SDK1: variants seen among roughly 807,000 people sequenced by gnomAD.
The protein encoded by SDK1 is protein sidekick-1.
Under a neutral mutation model 245.5 loss-of-function variants are expected in SDK1, and 157 were observed. The ratio of observed to expected loss-of-function variants is 0.64; its 90% CI spans 0.56 to 0.73. The LOEUF is 0.73. Among genes scored for constraint, SDK1 ranks in the 30% least tolerant of loss-of-function variants. SDK1 has a pLI of 0.00. For synonymous variants in SDK1, 1,647 were observed against 1,278.5 expected (o/e 1.29, Z -6.15); for missense variants, 3,583 against 3,002.3 (o/e 1.19, Z -4.52).
At chr7:3,793,632 G>A (rs1032151519) in intron 4 of SDK1, among the ~76,000 whole-genome samples, 4 of 152,074 alleles carry the variant, frequency 2.6e-5, no homozygotes, top group African/African-American at 9.7e-5. Flanking sequence ...TTTTTCTTTA[G>A]ATTTGGGAAG....
At chr7:3,745,355 C>A (rs1286963662) in intron 4 of SDK1, among the ~76,000 whole-genome samples, 1 of 152,132 alleles carries the variant, frequency 6.6e-6, no homozygotes, top group Non-Finnish European at 1.5e-5. Context: ...TGTAGACTCA[C>A]AAGAAGTTGT....
chr7:3,848,965 C>T (rs188295071), intron 5 of SDK1, among the ~76,000 whole-genome samples: 82 of 152,336 alleles, frequency 5.4e-4, no homozygotes, highest in Non-Finnish European at 8.5e-4. Context: ...CCGCCGCGCC[C>T]GGCCTGGAGT....
chr7:4,261,551 G>T (rs1003199655), intron 44 of SDK1, among the ~76,000 whole-genome samples: 2 of 152,184 alleles, frequency 1.3e-5, no homozygotes, highest in South Asian at 2.1e-4. Context: ...CCCACAAGGC[G>T]CAGCTCCTAG....
chr7:3,570,476 C>T (rs546207404), intron 1 of SDK1, among the ~76,000 whole-genome samples: 17 of 152,254 alleles, frequency 1.1e-4, no homozygotes, highest in Non-Finnish European at 2.2e-4. Context: ...GTCCACAGCC[C>T]GGAGTTGGGG....
intron 1 of SDK1, among the ~76,000 whole-genome samples, chr7:3,428,816 T>C (rs1331099262): frequency 6.6e-6 from 1 of 152,148 alleles, no homozygotes; most frequent in Admixed American, 6.5e-5. Flanking sequence ...TTTGTTTTAT[T>C]CTGGAACAAA....
At chr7:4,010,292 C>T (rs1052119191) in intron 14 of SDK1, among the ~76,000 whole-genome samples, 8 of 152,234 alleles carry the variant, frequency 5.3e-5, no homozygotes, top group Non-Finnish European at 7.3e-5. Context: ...AAAAAATCCA[C>T]GCAAGGGTGT....
rs1162131670 is a variant in SDK1 at position 3,476,739 on chromosome 7, G to A, written c.299-142341G>A. On this transcript the variant is annotated intron_variant, in intron 1 of 44. Transcript: ENST00000404826. Reference sequence around the variant, plus strand: ...TCCTCTGTAACCGTTCACTGAGGCTGGAGTTTGGTTTGGATGACCTCATCC... The same window carrying A: ...TCCTCTGTAACCGTTCACTGAGGCTAGAGTTTGGTTTGGATGACCTCATCC... Among the ~76,000 whole-genome samples, 7 of 152,298 alleles carry A rather than the reference G, an allele frequency of 4.6e-5. No homozygotes were observed. The South Asian group carries it at 6.2e-4, about 14-fold the overall frequency.
chr7:4,036,271 G>A (rs899844242), intron 17 of SDK1, among the ~76,000 whole-genome samples: 1 of 152,054 alleles, frequency 6.6e-6, no homozygotes, highest in Non-Finnish European at 1.5e-5. Flanking sequence ...ATACTATAAG[G>A]GTACAGTGTT....
chr7:3,796,274 C>A (rs565580113), intron 4 of SDK1, among the ~76,000 whole-genome samples: 64 of 152,212 alleles, frequency 4.2e-4, no homozygotes, highest in Admixed American at 6.5e-4. Context: ...ATTTATCCTC[C>A]GTGTCCACGG....
intron 38 of SDK1, among the ~76,000 whole-genome samples, chr7:4,214,225 G>A (rs1784663625): frequency 6.6e-6 from 1 of 152,204 alleles, no homozygotes; most frequent in African/African-American, 2.4e-5. Flanking sequence ...GAGCACTTGT[G>A]TTTCTGAAAG....
intron 14 of SDK1, among the ~76,000 whole-genome samples, chr7:3,988,922 C>A (rs1233691527): frequency 6.6e-6 from 1 of 152,158 alleles, no homozygotes; most frequent in Non-Finnish European, 1.5e-5. Flanking sequence ...CAGGCACCTG[C>A]CACCACGCCC....
At chr7:3,621,958 C>G (rs962209150) in intron 2 of SDK1, among the ~76,000 whole-genome samples, 17 of 152,176 alleles carry the variant, frequency 1.1e-4, no homozygotes, top group Non-Finnish European at 2.2e-4. Flanking sequence ...TAATAAGTCA[C>G]ATGAGATATT....
chr7:4,115,233 G>GC lies in SDK1; in HGVS notation c.3823+963dup, dbSNP rs374387695. The stretch of plus-strand genomic sequence containing the variant: ...GAAGGAATGAACCAGCTGCACCTCT[G>GC]CCCCAGGCTTCTTGGATGAGAGTCA... On this transcript the variant is annotated intron_variant, in intron 25 of 44. Transcript: ENST00000404826. Among the ~76,000 whole-genome samples the GC allele has an allele frequency of 1.8e-3, 271 of 152,328 alleles. 1 individual carries two copies. The highest frequency in any genetic ancestry group is 6.4e-3 in the African/African-American group (264 of 41,566).
intron 1 of SDK1, among the ~76,000 whole-genome samples, chr7:3,576,141 A>T (rs1174389930): frequency 6.6e-6 from 1 of 152,150 alleles, no homozygotes; most frequent in Non-Finnish European, 1.5e-5. Flanking sequence ...CTGTCATCAG[A>T]ATTTTCTACT....
chr7:4,036,302 C>G (rs1441313801), intron 17 of SDK1, among the ~76,000 whole-genome samples: 2 of 152,006 alleles, frequency 1.3e-5, no homozygotes, highest in African/African-American at 4.8e-5. Context: ...GACAGTTCTT[C>G]TTTTTATTTC....
chr7:4,127,001 C>T (rs1217290247), intron 25 of SDK1, among the ~76,000 whole-genome samples: 1 of 152,214 alleles, frequency 6.6e-6, no homozygotes, highest in Non-Finnish European at 1.5e-5. Flanking sequence ...TCTTCAGCTT[C>T]TCCTGTCCCT....
intron 1 of SDK1, among the ~76,000 whole-genome samples, chr7:3,409,239 CAT>C (rs773271438): frequency 1.1e-4 from 16 of 151,934 alleles, no homozygotes; most frequent in Admixed American, 1.0e-3. Context: ...CATTAATCCT[CAT>C]ATCCTTAATC....
Position 4,145,768 on chromosome 7 carries a change from C to G in SDK1, c.4275C>G (p.Phe1425Leu). The change falls in exon 29 of 45, where the codon TTC (phenylalanine) becomes TTG (leucine). Residue 1425 changes from phenylalanine (F) to leucine (L), a missense_variant. Coordinates refer to ENST00000404826, the MANE Select transcript of SDK1 (RefSeq NM_152744.4). ...TGGCCAGCAGCAGCCCCCACACCTT[C>G]ACCACCGTGGAGGTCGGCGCCACAG... ...YRLASSSPHTFTTVEVGATVR... is the reference protein window; with the variant it reads ...YRLASSSPHTLTTVEVGATVR... 3 of 1,613,090 alleles carry G rather than the reference C, an allele frequency of 1.9e-6. No homozygotes were observed. Among genetic ancestry groups the G allele is most frequent in the Non-Finnish European group, 2.5e-6 (3 of 1,179,570 alleles).
chr7:3,945,082 C>T (rs1158934337), intron 5 of SDK1, among the ~76,000 whole-genome samples: 1 of 152,182 alleles, frequency 6.6e-6, no homozygotes, highest in African/African-American at 2.4e-5. Flanking sequence ...CCACTGCACT[C>T]CAGCCTGGGT....
Sources: allele counts gnomAD v4.1 joint callset (sites outside exome capture counted in the v4.1 genomes callset), GRCh38; gene constraint gnomAD v4.1.1; transcripts MANE v1.5; gene names NCBI Gene and HGNC (gene_info 2026-07-23, HGNC 2026-07-21).